Variants in IQSEC1 observed in about 807,000 individuals in gnomAD.
The protein encoded by IQSEC1 is IQ motif and SEC7 domain-containing protein 1.
IQSEC1 carries 31 observed loss-of-function variants against 91.0 expected under a neutral mutation model. The ratio of observed to expected loss-of-function variants is 0.34; its 90% CI spans 0.26 to 0.46. The LOEUF (loss-of-function observed/expected upper bound fraction) is 0.46. IQSEC1 is among the 20% of genes least tolerant of loss of function. The pLI is 1.00. For synonymous variants in IQSEC1, 699 were observed against 662.6 expected (o/e 1.05, Z -0.84); for missense variants, 1,388 against 1,575.6 (o/e 0.88, Z 2.02).
intron 1 of IQSEC1, among the ~76,000 whole-genome samples, chr3:13,242,980 G>C (rs1695045648): frequency 6.6e-6 from 1 of 152,114 alleles, no homozygotes; most frequent in South Asian, 2.1e-4. Context: ...CAGTAGTGAG[G>C]GGGTTGATTG....
intron 3 of IQSEC1, among the ~76,000 whole-genome samples, chr3:12,929,448 T>C (rs543575922): frequency 9.8e-5 from 15 of 152,304 alleles, no homozygotes; most frequent in African/African-American, 2.4e-4. Flanking sequence ...AGAAGGTCCC[T>C]GGTGGAGGGA....
intron 1 of IQSEC1, among the ~76,000 whole-genome samples, chr3:13,240,557 G>A (rs1411280847): frequency 6.6e-6 from 1 of 152,056 alleles, no homozygotes; most frequent in East Asian, 1.9e-4. Flanking sequence ...GCAAGGGGTG[G>A]GCGCCAGTTG....
chr3:12,999,805 T>G (rs1180893043), intron 1 of IQSEC1, among the ~76,000 whole-genome samples: 1 of 152,242 alleles, frequency 6.6e-6, no homozygotes, highest in Non-Finnish European at 1.5e-5. Flanking sequence ...TTCAAGCTCC[T>G]GTACTTTCTG....
chr3:13,169,784 C>G (rs1693574552), intron 1 of IQSEC1, among the ~76,000 whole-genome samples: 1 of 152,124 alleles, frequency 6.6e-6, no homozygotes, highest in African/African-American at 2.4e-5. Flanking sequence ...TTTAGGGTAT[C>G]TGGTGGAAGA....
intron 2 of IQSEC1, among the ~76,000 whole-genome samples, chr3:13,132,151 C>A (rs1706630519): frequency 6.6e-6 from 1 of 152,164 alleles, no homozygotes; most frequent in African/African-American, 2.4e-5. Context: ...TCATGAGATG[C>A]AGTGAAATTG....
In IQSEC1 at chr3:13,168,568, C is replaced by T. The variant is rs111573780; in HGVS notation, c.273-4435G>A. On this transcript the variant is annotated intron_variant, in intron 1 of 15. Transcript: ENST00000648114. ...CAAAATTCAAACTCCACACACAGCC[C>T]ACAAAGACTGCAAGGTCTGGCCCTG... 9.4e-3 allele frequency among the ~76,000 whole-genome samples: 1,439 copies of T among 152,282 alleles called. 26 individuals carry two copies. Among genetic ancestry groups the T allele is most frequent in the African/African-American group, 0.033 (1,369 of 41,548 alleles).
At chr3:13,077,737 T>TGTGTGTGGGCTTCTGGAAGC (rs1705585348), upstream of IQSEC1, among the ~76,000 whole-genome samples, 2 of 152,124 alleles carry the variant, frequency 1.3e-5, no homozygotes, top group Non-Finnish European at 2.9e-5. Context: ...TCTCTGGAAA[T>TGTGTGTGGGCTTCTGGAAGC]GTGTGTGGGC....
At position 13,210,230 on chromosome 3, in the gene IQSEC1, T is replaced by C. The variant is rs372850241; in HGVS notation, c.273-46097A>G. Among the ~76,000 whole-genome samples, 134 of 152,104 alleles carry C rather than the reference T, an allele frequency of 8.8e-4. 1 individual carries two copies. Among genetic ancestry groups the C allele is most frequent in the South Asian group, 4.2e-3 (20 of 4,818 alleles). On this transcript the variant is annotated intron_variant, in intron 1 of 15. Transcript: ENST00000648114. Reference sequence around the variant, plus strand: ...CTTGGGCTGTGTGGCCTGGCTGTGGTATCCCCCAGGCTGGGGGGACCCAGT... The same window carrying C: ...CTTGGGCTGTGTGGCCTGGCTGTGGCATCCCCCAGGCTGGGGGGACCCAGT...
intron 2 of IQSEC1, among the ~76,000 whole-genome samples, chr3:13,138,547 C>T (rs1349496919): frequency 6.6e-6 from 1 of 152,164 alleles, no homozygotes; most frequent in Non-Finnish European, 1.5e-5. Context: ...GAGTAGGCTC[C>T]TGGTAGTCCT....
intron 2 of IQSEC1, among the ~76,000 whole-genome samples, chr3:13,160,521 T>C (rs1707156629): frequency 6.6e-6 from 1 of 152,190 alleles, no homozygotes; most frequent in Admixed American, 6.5e-5. Flanking sequence ...ATATTTTCCT[T>C]AGGCAAATAA....
At chr3:13,016,614 A>G (rs2045034380) in intron 1 of IQSEC1, among the ~76,000 whole-genome samples, 3 of 152,138 alleles carry the variant, frequency 2.0e-5, no homozygotes, top group Non-Finnish European at 2.9e-5. Flanking sequence ...AGGTGCACAC[A>G]GACCTCAGGG....
rs1251672795 is a variant in IQSEC1, at chr3:12,897,740, G to A, written c.*3243C>T. The A allele has an allele frequency of 2.6e-5, 4 of 152,208 alleles. No individual in the cohort carries two copies. Among genetic ancestry groups the A allele is most frequent in the African/African-American group, 2.4e-5 (1 of 41,448 alleles). 9.4% of individuals were successfully genotyped at this position (152,208 alleles called of 1,614,324 possible). On this transcript the variant is annotated 3_prime_UTR_variant, in exon 14 of 14. Transcript: ENST00000613206. ...GGCACAGAGCTTCCCGTGGCGCTGAGTCAACACCCAGCATCAGCTGTGAAC... is the reference window on the plus strand; with the variant it reads ...GGCACAGAGCTTCCCGTGGCGCTGAATCAACACCCAGCATCAGCTGTGAAC...
At chr3:13,099,645 C>T (rs1198482924) in intron 2 of IQSEC1, among the ~76,000 whole-genome samples, 3 of 152,192 alleles carry the variant, frequency 2.0e-5, no homozygotes, top group African/African-American at 7.2e-5. Context: ...GCTGGGGCTC[C>T]CTCCTTCATT....
intron 1 of IQSEC1, chr3:13,053,082 GC>G: frequency 9.9e-7 from 1 of 1,012,278 alleles, no homozygotes; most frequent in Non-Finnish European, 1.6e-6. Flanking sequence ...TATTTTCTTG[GC>G]CAGGAATCGC....
In IQSEC1 at chr3:13,135,692, C is replaced by T. The variant is rs78668512; in HGVS notation, c.302+28412G>A. Among the ~76,000 whole-genome samples, 533 of 152,322 alleles carry T rather than the reference C, an allele frequency of 3.5e-3. 36 individuals carry two copies. The East Asian group carries it at 0.095, about 27-fold the overall frequency. On this transcript the variant is annotated intron_variant, in intron 2 of 15. Transcript: ENST00000648114. ...GGGTCTCTTCGACACAGACGCCTCACTGTGCACAGGACACTGGAGGGGACG... is the reference window on the plus strand; with the variant it reads ...GGGTCTCTTCGACACAGACGCCTCATTGTGCACAGGACACTGGAGGGGACG...
In IQSEC1 at chr3:13,001,780, C is replaced by T. The variant is rs566460109; in HGVS notation, c.24-59915G>A. Reference sequence around the variant, plus strand: ...CATTTCTTTAACAAGTAGTGCTGGCCGAGCGCGATGGCTCACGCCTGTAAT... The same window carrying T: ...CATTTCTTTAACAAGTAGTGCTGGCTGAGCGCGATGGCTCACGCCTGTAAT... On this transcript the variant is annotated intron_variant, in intron 1 of 13. Transcript: ENST00000613206. Among the ~76,000 whole-genome samples, 21 of 152,224 alleles carry T rather than the reference C, an allele frequency of 1.4e-4. No individual in the cohort carries two copies. In the East Asian group the frequency reaches 1.7e-3, roughly 13 times the overall value.
chr3:13,040,424 C>G (rs578085620), intron 1 of IQSEC1, among the ~76,000 whole-genome samples: 1 of 152,330 alleles, frequency 6.6e-6, no homozygotes, highest in African/African-American at 2.4e-5. Context: ...CAGGCACAGT[C>G]AGGGCTTAAG....
At chr3:12,917,433 A>G (rs1000324162) in intron 6 of IQSEC1, among the ~76,000 whole-genome samples, 1 of 152,160 alleles carries the variant, frequency 6.6e-6, no homozygotes, top group Admixed American at 6.5e-5. Flanking sequence ...GCAGCCACTC[A>G]TCCTTTTCCT....
At chr3:13,107,272 A>T (rs1341775127) in intron 2 of IQSEC1, among the ~76,000 whole-genome samples, 1 of 152,226 alleles carries the variant, frequency 6.6e-6, no homozygotes, top group East Asian at 1.9e-4. Context: ...GAGAAAAACA[A>T]AGCCCTTTCC....
Sources: gnomAD v4.1 joint callset for allele counts (sites outside exome capture counted in the v4.1 genomes callset) on GRCh38, gnomAD v4.1.1 for gene constraint, MANE v1.5 for transcripts, NCBI Gene and HGNC (gene_info 2026-07-23, HGNC 2026-07-21) for gene names.